The following LINGO2 variants were observed in gnomAD, a reference collection of about 807,000 sequenced individuals.
The protein encoded by LINGO2 is leucine rich repeat and Ig domain containing 2.
A neutral mutation model predicts 30.6 loss-of-function variants in LINGO2; 14 were observed. That is an observed-to-expected ratio of 0.46 (90% CI 0.30 to 0.72). The LOEUF is 0.72. LINGO2 is among the 30% of genes least tolerant of loss of function. The pLI is 0.07. For synonymous variants in LINGO2, 317 were observed against 288.5 expected (o/e 1.10, Z -1.00); for missense variants, 729 against 751.7 (o/e 0.97, Z 0.35).
intron 4 of LINGO2, among the ~76,000 whole-genome samples, chr9:28,021,901 TTTTG>T (rs1340584791): frequency 6.6e-6 from 1 of 151,986 alleles, no homozygotes; most frequent in African/African-American, 2.4e-5. Flanking sequence ...TGGAGTTGTG[TTTTG>T]TTTTTGTATT....
At chr9:28,588,220 C>A (rs925921689) in intron 1 of LINGO2, among the ~76,000 whole-genome samples, 1 of 151,700 alleles carries the variant, frequency 6.6e-6, no homozygotes, top group Non-Finnish European at 1.5e-5. Context: ...ACACAACCTC[C>A]CACCTATGTG....
chr9:28,967,296 G>T, the LINGO2 span, among the ~76,000 whole-genome samples: 1 of 152,090 alleles, frequency 6.6e-6, no homozygotes, highest in African/African-American at 2.4e-5. Flanking sequence ...TAGGAAAATG[G>T]CATGAAGTAG....
chr9:28,996,529 A>G, the LINGO2 span, among the ~76,000 whole-genome samples: 1 of 152,196 alleles, frequency 6.6e-6, no homozygotes, highest in Non-Finnish European at 1.5e-5. Context: ...AGGAGTATAG[A>G]TTCTGGGGCA....
chr9:29,205,284 C>T, the LINGO2 span, among the ~76,000 whole-genome samples: 1 of 152,102 alleles, frequency 6.6e-6, no homozygotes, highest in East Asian at 1.9e-4. Context: ...CGGTATCCAC[C>T]CACCACGGCC....
the LINGO2 span, among the ~76,000 whole-genome samples, chr9:28,892,378 A>G: frequency 6.6e-6 from 1 of 151,964 alleles, no homozygotes; most frequent in South Asian, 2.1e-4. Flanking sequence ...GCTTTCAAAG[A>G]TATTTGTTTG....
intron 1 of LINGO2, among the ~76,000 whole-genome samples, chr9:28,572,578 G>A (rs1457947135): frequency 6.6e-6 from 1 of 152,082 alleles, no homozygotes; most frequent in Non-Finnish European, 1.5e-5. Context: ...ACCTCAATAA[G>A]TTATATAAAA....
At chr9:29,059,622 T>C in the LINGO2 span, among the ~76,000 whole-genome samples, 25,610 of 151,562 alleles carry the variant, frequency 0.17, 2,311 homozygotes, top group East Asian at 0.34. Flanking sequence ...GCTAACACAA[T>C]TTATAAAAAA....
chr9:28,547,494 C>T (rs531689280), intron 1 of LINGO2, among the ~76,000 whole-genome samples: 2 of 152,190 alleles, frequency 1.3e-5, no homozygotes, highest in East Asian at 3.9e-4. Flanking sequence ...TAAATTACTG[C>T]TCTAAGAGCT....
chr9:28,974,595 G>A, the LINGO2 span, among the ~76,000 whole-genome samples: 2 of 152,140 alleles, frequency 1.3e-5, no homozygotes, highest in African/African-American at 4.8e-5. Flanking sequence ...CTCATGGTAA[G>A]GTCAAACCAA....
intron 4 of LINGO2, among the ~76,000 whole-genome samples, chr9:28,286,637 G>A (rs1412777244): frequency 6.6e-6 from 1 of 152,138 alleles, no homozygotes; most frequent in Admixed American, 6.6e-5. Flanking sequence ...CCATAAAAAA[G>A]GATGACATCA....
At chr9:28,759,810 G>C in the LINGO2 span, among the ~76,000 whole-genome samples, 1 of 152,062 alleles carries the variant, frequency 6.6e-6, no homozygotes, top group Non-Finnish European at 1.5e-5. Context: ...GTTGTTCTCA[G>C]AGTGGAGAGC....
intron 3 of LINGO2, among the ~76,000 whole-genome samples, chr9:28,369,008 C>T (rs1021989953): frequency 6.6e-6 from 1 of 152,144 alleles, no homozygotes; most frequent in African/African-American, 2.4e-5. Flanking sequence ...AAAATGAAGC[C>T]GGGGTAGTTG....
At chr9:27,960,686 A>G (rs1181626026) in intron 5 of LINGO2, among the ~76,000 whole-genome samples, 1 of 143,738 alleles carries the variant, frequency 7.0e-6, no homozygotes, top group Non-Finnish European at 1.5e-5. Context: ...TTTTGACAGC[A>G]TGTAGTTATT....
chr9:28,017,850 A>T (rs557695952), intron 4 of LINGO2, among the ~76,000 whole-genome samples: 2 of 152,300 alleles, frequency 1.3e-5, no homozygotes, highest in South Asian at 4.1e-4. Flanking sequence ...AATTGGAAAA[A>T]ACTATTTTAA....
At chr9:28,198,324 A>G (rs1208669957) in intron 4 of LINGO2, among the ~76,000 whole-genome samples, 1 of 152,122 alleles carries the variant, frequency 6.6e-6, no homozygotes, top group East Asian at 1.9e-4. Context: ...TTCTGTATAA[A>G]TGTGCATGGA....
chr9:28,022,000 AC>A (rs1339464876), intron 4 of LINGO2, among the ~76,000 whole-genome samples: 7 of 152,140 alleles, frequency 4.6e-5, no homozygotes, highest in Non-Finnish European at 5.9e-5. Context: ...ATTAATATCT[AC>A]CATATTTGAA....
At chr9:28,108,605 T>C (rs978033589) in intron 4 of LINGO2, among the ~76,000 whole-genome samples, 1 of 152,066 alleles carries the variant, frequency 6.6e-6, no homozygotes, top group Non-Finnish European at 1.5e-5. Flanking sequence ...CTCTTAGTAC[T>C]TCCCTCTTTA....
intron 3 of LINGO2, among the ~76,000 whole-genome samples, chr9:28,338,976 G>C (rs953545165): frequency 6.6e-6 from 1 of 152,016 alleles, no homozygotes; most frequent in African/African-American, 2.4e-5. Flanking sequence ...ATGCCAGATG[G>C]GAGTAAACTC....
the LINGO2 span, among the ~76,000 whole-genome samples, chr9:28,703,299 C>T: frequency 1.0e-2 from 1,516 of 151,862 alleles, 17 homozygotes; most frequent in African/African-American, 0.015. Context: ...TCTATCCCAA[C>T]ATTTTAAAAA....
Sources: gnomAD v4.1 joint callset for allele counts (sites outside exome capture counted in the v4.1 genomes callset) on GRCh38, gnomAD v4.1.1 for gene constraint, MANE v1.5 for transcripts, NCBI Gene and HGNC (gene_info 2026-07-23, HGNC 2026-07-21) for gene names.